Variants in CEBPZ observed in about 807,000 individuals in gnomAD.
The protein encoded by CEBPZ is CCAAT enhancer binding protein zeta.
In CEBPZ, 78 loss-of-function variants were observed where a neutral mutation model predicts 104.5. The ratio of observed to expected loss-of-function variants is 0.75; its 90% CI spans 0.62 to 0.90. The LOEUF is 0.90. CEBPZ is among the 40% of genes least tolerant of loss of function. The pLI, the probability that CEBPZ is intolerant of heterozygous loss-of-function variation, is 0.00. For missense variants in CEBPZ, 1,439 were observed against 1,233.5 expected, an observed-to-expected ratio of 1.17 and a Z score of -2.50; for synonymous variants, 470 against 427.0, an observed-to-expected ratio of 1.10 and a Z score of -1.24.
At chr2:37,208,907 A>G (rs1677626612) in intron 13 of CEBPZ, 1 of 152,114 alleles carries the variant, frequency 6.6e-6, no homozygotes, top group African/African-American at 2.4e-5. Flanking sequence ...CTCATCCAAA[A>G]AGATCCTAGA....
Position 37,212,277 on chromosome 2 carries a change from G to C in CEBPZ, c.2603+58C>G. ...ATAGTTCTGTGGTCTACTGTTCTGAGGGACAACAATTTGGGAAATGCTAGA... is the reference window on the plus strand; with the variant it reads ...ATAGTTCTGTGGTCTACTGTTCTGACGGACAACAATTTGGGAAATGCTAGA... On this transcript the variant is annotated intron_variant, in intron 11 of 15. Coordinates refer to ENST00000234170, the MANE Select transcript of CEBPZ (RefSeq NM_005760.3). The C allele has an allele frequency of 4.1e-6, 6 of 1,475,738 alleles. No homozygotes were observed. The South Asian group carries it at 5.7e-5, about 14-fold the overall frequency. 91.4% of individuals were successfully genotyped at this position (1,475,738 alleles called of 1,614,324 possible).
Position 37,211,224 on chromosome 2 carries a change from T to C in CEBPZ, c.2801-142A>G. On this transcript the variant is annotated intron_variant, in intron 12 of 15. Transcript: ENST00000234170. ...TGTGGGTTTTGTAATTCCACTAGCA[T>C]AGGCTTGAGGACAGACTGAGAAAAA... 7.5e-6 allele frequency: 4 copies of C among 532,590 alleles called. No individual in the cohort carries two copies. The South Asian group carries it at 1.2e-4, about 16-fold the overall frequency. 33.0% of individuals were successfully genotyped at this position (532,590 alleles called of 1,614,324 possible).
At position 37,214,908 on chromosome 2, in the gene CEBPZ, C is replaced by A; in HGVS notation, c.2425G>T (p.Val809Leu). ...TACCTGTGGAAAAACACTTCATCCA[C>A]TGGTATTTGGCTTTCTTCTTTTGCA... The part of the protein sequence containing the change: ...FLAKEESQIP[V>L]DEVFFHRYYK... The change falls in exon 9 of 16, where the codon GTG becomes TTG. Residue 809 changes from valine (V) to leucine (L), a missense_variant. By Grantham distance (32) the Val-to-Leu change is conservative (BLOSUM62 1). Coordinates refer to ENST00000234170, the MANE Select transcript of CEBPZ (RefSeq NM_005760.3). 1.2e-6 allele frequency: 2 copies of A among 1,610,690 alleles called. No homozygotes were observed. The highest frequency in any genetic ancestry group is 1.7e-6 in the Non-Finnish European group (2 of 1,177,130).
rs570969771 is a variant in CEBPZ, at chr2:37,206,808, C to T, written c.2885-3800G>A. Among the ~76,000 whole-genome samples the T allele has an allele frequency of 3.9e-4, 59 of 152,278 alleles. No homozygotes were observed. In the South Asian group the frequency reaches 0.012, roughly 32 times the overall value. ...AACTAGCATGATGAATAGAATAGTA[C>T]CTCACATCTCAAATACTACGTTGGA... On this transcript the variant is annotated intron_variant, in intron 13 of 15. Transcript: ENST00000234170.
At chr2:37,224,417 T>A (rs1664836315) in intron 2 of CEBPZ, among the ~76,000 whole-genome samples, 1 of 152,232 alleles carries the variant, frequency 6.6e-6, no homozygotes, top group African/African-American at 2.4e-5. Context: ...GCATTTCCAT[T>A]AATTTTTTCC....
Position 37,228,724 on chromosome 2 carries a change from G to T in CEBPZ, c.469C>A (p.Pro157Thr). ...TTCTGTTTATCTTTCTTTACTTTCGGTGTGGTACTGCCATTCTCATCAGAA... is the reference window on the plus strand; with the variant it reads ...TTCTGTTTATCTTTCTTTACTTTCGTTGTGGTACTGCCATTCTCATCAGAA... ...PHSDENGSTT[P>T]KVKKDKQNIF... Residue 157 changes from proline (P) to threonine (T), a missense_variant, in exon 2 of 16, where the codon CCG becomes ACG. By Grantham distance (38) the Pro-to-Thr change is conservative (BLOSUM62 -1). Coordinates refer to ENST00000234170, the MANE Select transcript of CEBPZ (RefSeq NM_005760.3). 6.2e-7 allele frequency: 1 copy of T among 1,614,080 alleles called. No homozygotes were observed. The highest frequency in any genetic ancestry group is 8.5e-7 in the Non-Finnish European group (1 of 1,180,016).
chr2:37,202,825 T>C lies in CEBPZ; in HGVS notation c.2984A>G (p.Asp995Gly), dbSNP rs1454948007. The change falls in exon 15 of 16, where the codon GAT becomes GGT. Residue 995 changes from aspartate to glycine, a missense_variant. Physicochemically the swap from Asp to Gly is moderately conservative, Grantham distance 94. Transcript: ENST00000234170. ...LLDENMGSKF[D>G]NIGMNAMANK... ...AGCCATGGCATTCATGCCAATGTTA[T>C]CAAACTTGGATCCCATATTTTCATC... is the stretch of plus-strand genomic sequence containing the variant. The C allele has an allele frequency of 1.9e-6, 3 of 1,600,800 alleles. No individual in the cohort carries two copies. The highest frequency in any genetic ancestry group is 3.4e-5 in the Admixed American group (2 of 58,168).
intron 13 of CEBPZ, among the ~76,000 whole-genome samples, chr2:37,207,248 G>A (rs558689018): frequency 1.3e-5 from 2 of 152,280 alleles, no homozygotes; most frequent in East Asian, 3.9e-4. Context: ...GGGTCATCAA[G>A]ACAGAAAGTC....
At chr2:37,202,036 A>T in intron 15 of CEBPZ, 133 bp from the exon 16 acceptor site, 1 of 582,738 alleles carries the variant, frequency 1.7e-6, no homozygotes. Flanking sequence ...ATACAAACCC[A>T]CTGCTTGTTT....
intron 13 of CEBPZ, chr2:37,204,301 C>G (rs1677442446): frequency 8.4e-6 from 1 of 118,948 alleles, no homozygotes; most frequent in Admixed American, 1.1e-4. Flanking sequence ...TTTTTTGAGA[C>G]AGAGTCTCGC....
chr2:37,203,203 T>C, intron 13 of CEBPZ, 195 bp from the exon 14 acceptor site: 1 of 420,400 alleles, frequency 2.4e-6, no homozygotes. Context: ...GCTAACAACA[T>C]CCTAATAGAA....
At chr2:37,205,071 T>C (rs1394101091) in intron 13 of CEBPZ, among the ~76,000 whole-genome samples, 4 of 152,216 alleles carry the variant, frequency 2.6e-5, no homozygotes, top group Non-Finnish European at 4.4e-5. Context: ...GAAGACAAAA[T>C]CTGGAAGATA....
At chr2:37,203,752 T>G (rs1287002012) in intron 13 of CEBPZ, 1 of 152,256 alleles carries the variant, frequency 6.6e-6, no homozygotes, top group Non-Finnish European at 1.5e-5. Flanking sequence ...TCTATCTTGT[T>G]TCTATGACTT....
chr2:37,216,814 T>A (rs937138656), intron 6 of CEBPZ, among the ~76,000 whole-genome samples, 170 bp downstream of exon 6: 10 of 152,056 alleles, frequency 6.6e-5, no homozygotes, highest in African/African-American at 2.4e-4. Context: ...CATCTCAGAG[T>A]GGGAAAAGTT....
Position 37,227,783 on chromosome 2 carries a change from C to G in CEBPZ, c.1410G>C (p.Arg470=). The change falls in exon 2 of 16, where the codon CGG becomes CGC. Residue 470 remains arginine (R), a synonymous_variant. Transcript: ENST00000234170. ...KLITVYFCFF[R]TCVKKKDVES... ...CAACATCTTTTTTTTTGACACAAGTCCGAAAAAAGCAAAAGTAAACAGTTA... is the reference window on the plus strand; with the variant it reads ...CAACATCTTTTTTTTTGACACAAGTGCGAAAAAAGCAAAAGTAAACAGTTA... 2 of 1,613,750 alleles carry G rather than the reference C, an allele frequency of 1.2e-6. No individual in the cohort carries two copies. Among genetic ancestry groups the G allele is most frequent in the South Asian group, 1.1e-5 (1 of 90,986 alleles).
chr2:37,204,157 A>G lies in CEBPZ; in HGVS notation c.2885-1149T>C, dbSNP rs566043933. On this transcript the variant is annotated intron_variant, in intron 13 of 15. Transcript: ENST00000234170. ...GGTTTTATTCATCCTGTAGTGATGT[A>G]TCTGTGACCTCAACGAGTAGGCACT... 2.0e-5 allele frequency: 3 copies of G among 152,144 alleles called. No individual in the cohort carries two copies. The East Asian group carries it at 5.8e-4, about 29-fold the overall frequency. 9.4% of individuals were successfully genotyped at this position (152,144 alleles called of 1,614,324 possible).
At chr2:37,210,899 A>T in intron 13 of CEBPZ, 100 bp downstream of exon 13, 14 of 452,082 alleles carry the variant, frequency 3.1e-5, no homozygotes, top group Non-Finnish European at 2.8e-5. Context: ...CCCACCCCTG[A>T]ATTTTATTAA....
At chr2:37,213,791 T>A (rs1023688341) in intron 10 of CEBPZ, 73 bp downstream of exon 10, 2 of 958,754 alleles carry the variant, frequency 2.1e-6, no homozygotes, top group Admixed American at 2.8e-5. Context: ...AGGCCACTTC[T>A]CCCACTAATG....
chr2:37,213,835 T>C, intron 10 of CEBPZ, 29 bp downstream of exon 10: 1 of 1,468,892 alleles, frequency 6.8e-7, no homozygotes, highest in East Asian at 2.3e-5. Context: ...TAGTAGATTA[T>C]TTTACAAAGA....
Sources: gnomAD v4.1 joint callset for allele counts (sites outside exome capture counted in the v4.1 genomes callset) on GRCh38, gnomAD v4.1.1 for gene constraint, MANE v1.5 for transcripts, NCBI Gene and HGNC (gene_info 2026-07-23, HGNC 2026-07-21) for gene names.